Variants in BCL11B observed in about 807,000 individuals in gnomAD.
BCL11B encodes BCL11 transcription factor B.
A neutral mutation model predicts 49.9 loss-of-function variants in BCL11B; 8 were observed. The observed-to-expected ratio is 0.16, with a 90% CI of 0.09 to 0.29. The LOEUF (loss-of-function observed/expected upper bound fraction) is 0.29, where lower values mean the gene tolerates loss of function less well. BCL11B is among the 10% of genes least tolerant of loss of function. The pLI is 1.00. For missense variants in BCL11B, 1,006 were observed against 1,351.0 expected (o/e 0.74, Z 4.00); for synonymous variants, 739 against 637.4 (o/e 1.16, Z -2.40).
chr14:99,175,763 G>A lies in BCL11B; in HGVS notation c.1073C>T (p.Ser358Leu). The A allele has an allele frequency of 1.4e-6, 2 of 1,466,400 alleles. No homozygotes were observed. Among genetic ancestry groups the A allele is most frequent in the Non-Finnish European group, 1.8e-6 (2 of 1,122,914 alleles). The allele number at this position is 1,466,400 out of a possible 1,614,324, so 90.8% of individuals were successfully genotyped here. The change falls in exon 4 of 4, where the codon TCG becomes TTG. Residue 358 changes from serine to leucine, a missense_variant. Ser to Leu is a moderately radical substitution (Grantham distance 145, BLOSUM62 -2). Around this residue, in one of 6 missense-constraint regions of BCL11B, gnomAD observed 411 missense variants for 542.2 expected, o/e 0.76. Transcript: ENST00000357195. ...CCGCCGCGAGAAGTCCATGGCGGGC[G>A]AGTCGATGGCCATGGGGTTCAGGCG... ...VMRLNPMAID[S>L]PAMDFSRRLR...
chr14:99,257,943 C>G lies in BCL11B; in HGVS notation c.59-104G>C. The G allele has an allele frequency of 1.5e-6, 2 of 1,340,880 alleles. No homozygotes were observed. The highest frequency in any genetic ancestry group is 2.0e-6 in the Non-Finnish European group (2 of 1,023,690). The allele number at this position is 1,340,880 out of a possible 1,614,324, so 83.1% of individuals were successfully genotyped here. A position where few individuals can be genotyped will look rare whatever the true frequency, so the allele number is the denominator to read the frequency against. On this transcript the variant is annotated intron_variant, in intron 1 of 3. Coordinates refer to ENST00000357195, the MANE Select transcript of BCL11B (RefSeq NM_138576.4). The surrounding 1 kb of genome is among the most constrained non-coding windows in gnomAD (Gnocchi z 6.2). ...CCACCCCTTCCCCGCCAAGAAGCAG[C>G]CCCCTCTGCTGCTGGCTGCCAGAGC...
rs1888382084 is a variant in BCL11B, at chr14:99,232,955, GA to G, written c.428-1399del. ...TCAAAGCTAACACCAACACTGCTCG[GA>G]ACCCCCTGAACCAACAAAGACCTCA... On this transcript the variant is annotated intron_variant, in intron 2 of 3. Transcript: ENST00000357195. This position sits in a 1 kb window ranked among gnomAD's most constrained non-coding sequence, Gnocchi z 5.1. 1.3e-5 allele frequency among the ~76,000 whole-genome samples: 2 copies of G among 152,274 alleles called. No individual in the cohort carries two copies. Among genetic ancestry groups the G allele is most frequent in the African/African-American group, 4.8e-5 (2 of 41,562 alleles).
chr14:99,216,331 C>T (rs1001570872), intron 3 of BCL11B, among the ~76,000 whole-genome samples: 10 of 152,200 alleles, frequency 6.6e-5, no homozygotes, highest in African/African-American at 2.2e-4. Context: ...CACTCTCAGT[C>T]GTGAGATGGT....
intron 3 of BCL11B, among the ~76,000 whole-genome samples, chr14:99,222,072 G>A (rs807733): frequency 0.55 from 83,413 of 152,048 alleles, 23,130 homozygotes; most frequent in Admixed American, 0.63. Flanking sequence ...TGAATAAACT[G>A]TATCTCATGG....
chr14:99,259,095 A>G (rs943683760), intron 1 of BCL11B, among the ~76,000 whole-genome samples: 2 of 152,118 alleles, frequency 1.3e-5, no homozygotes, highest in Non-Finnish European at 2.9e-5. Context: ...ATTTTTCGAG[A>G]GCAAATGTCA....
At chr14:99,259,417 G>A (rs577670874) in intron 1 of BCL11B, among the ~76,000 whole-genome samples, 2 of 152,326 alleles carry the variant, frequency 1.3e-5, no homozygotes, top group South Asian at 4.1e-4. Flanking sequence ...GAGAGTCCAT[G>A]TGTGAAACTG....
intron 3 of BCL11B, among the ~76,000 whole-genome samples, chr14:99,188,752 A>AG (rs1327131789): frequency 1.3e-5 from 2 of 152,112 alleles, no homozygotes; most frequent in Non-Finnish European, 2.9e-5. Context: ...GAGGAGGGCC[A>AG]GGGGCTGGTG....
intron 2 of BCL11B, among the ~76,000 whole-genome samples, chr14:99,240,738 G>A (rs1265284392): frequency 1.3e-5 from 2 of 152,180 alleles, no homozygotes; most frequent in African/African-American, 2.4e-5. Flanking sequence ...GACGTGCAGT[G>A]CGTGCACAAC....
At chr14:99,179,232 G>A (rs1291082743) in intron 3 of BCL11B, among the ~76,000 whole-genome samples, 1 of 152,148 alleles carries the variant, frequency 6.6e-6, no homozygotes, top group Non-Finnish European at 1.5e-5. Context: ...CCAGCACTTT[G>A]GGAGGCCGAA....
At chr14:99,269,345 A>G (rs1294362534) in intron 1 of BCL11B, among the ~76,000 whole-genome samples, 1 of 152,224 alleles carries the variant, frequency 6.6e-6, no homozygotes. Flanking sequence ...TCAACTGGCA[A>G]AAAAGACCTT....
rs916752555 is a variant in BCL11B at position 99,231,133 on chromosome 14, G to A, written c.640+212C>T. On this transcript the variant is annotated intron_variant, in intron 3 of 3. Coordinates refer to ENST00000357195, the MANE Select transcript of BCL11B (RefSeq NM_138576.4). The surrounding 1 kb of genome is among the most constrained non-coding windows in gnomAD (Gnocchi z 8.1). ...ATTCTGGGAGCAAGACTCTCAGAAC[G>A]GGTGGGGGCACCGTGGGGGACTCCT... Among the ~76,000 whole-genome samples the A allele has an allele frequency of 2.6e-5, 4 of 152,224 alleles. No individual in the cohort carries two copies. Among genetic ancestry groups the A allele is most frequent in the East Asian group, 1.9e-4 (1 of 5,182 alleles).
At chr14:99,270,555 G>A (rs1889637440) in intron 1 of BCL11B, among the ~76,000 whole-genome samples, 1 of 151,996 alleles carries the variant, frequency 6.6e-6, no homozygotes, top group Admixed American at 6.5e-5. Context: ...CAGGAGGAGG[G>A]GAGAGAAAGG....
chr14:99,257,361 G>A lies in BCL11B; in HGVS notation c.427+110C>T. On this transcript the variant is annotated intron_variant, in intron 2 of 3. Transcript: ENST00000357195. This position sits in a 1 kb window ranked among gnomAD's most constrained non-coding sequence, Gnocchi z 6.2. Reference sequence around the variant, plus strand: ...GGGGAGCCCCGGCTGGTGGCCCAGAGGCCATCCTGGAAGCCCCTGGGCCTT... The same window carrying A: ...GGGGAGCCCCGGCTGGTGGCCCAGAAGCCATCCTGGAAGCCCCTGGGCCTT... The A allele has an allele frequency of 7.2e-7, 1 of 1,390,220 alleles. No homozygotes were observed. 86.1% of individuals were successfully genotyped at this position (1,390,220 alleles called of 1,614,324 possible). A position where few individuals can be genotyped will look rare whatever the true frequency, so the allele number is the denominator to read the frequency against.
At chr14:99,246,268 C>G (rs1888833485) in intron 2 of BCL11B, among the ~76,000 whole-genome samples, 1 of 152,242 alleles carries the variant, frequency 6.6e-6, no homozygotes, top group Non-Finnish European at 1.5e-5. Context: ...CCCCTCGCCG[C>G]CCGGCTCAGG....
chr14:99,175,372 G>C lies in BCL11B; in HGVS notation c.1464C>G (p.Ser488=). The change falls in exon 4 of 4, where the codon TCC becomes TCG. Residue 488 remains serine, a synonymous_variant. Coordinates refer to ENST00000357195, the MANE Select transcript of BCL11B (RefSeq NM_138576.4). ...AGCTGGCGGCCGAGAGCCCGTCGTC[G>C]GAGCGGCCGGCCAGCGAGCCGGCCT... ...MHKAGSLAGR[S]DDGLSAASSP... The C allele has an allele frequency of 6.3e-7, 1 of 1,585,528 alleles. No homozygotes were observed. Among genetic ancestry groups the C allele is most frequent in the Non-Finnish European group, 8.5e-7 (1 of 1,170,438 alleles).
At position 99,195,843 on chromosome 14, in the gene BCL11B, A is replaced by C. The variant is rs770721310; in HGVS notation, c.641-19648T>G. Among the ~76,000 whole-genome samples, 1 of 152,144 alleles carries C rather than the reference A, an allele frequency of 6.6e-6. No homozygotes were observed. Among genetic ancestry groups the C allele is most frequent in the Non-Finnish European group, 1.5e-5 (1 of 68,024 alleles). On this transcript the variant is annotated intron_variant, in intron 3 of 3. Transcript: ENST00000357195. The surrounding 1 kb of genome is among the most constrained non-coding windows in gnomAD (Gnocchi z 4.7). ...CCAACACCTGCTAGACTGAGCTGAC[A>C]CAGCCCTCCTGCCTGCTGCCCAGAA...
intron 3 of BCL11B, among the ~76,000 whole-genome samples, chr14:99,218,438 A>C (rs1379505060): frequency 6.6e-6 from 1 of 151,864 alleles, no homozygotes; most frequent in African/African-American, 2.4e-5. Context: ...CTGACTCAGC[A>C]TGGGGGCAGA....
chr14:99,242,771 GA>G lies in BCL11B; in HGVS notation c.428-11215del, dbSNP rs1888708951. Among the ~76,000 whole-genome samples the G allele has an allele frequency of 1.3e-5, 2 of 152,182 alleles. No homozygotes were observed. The highest frequency in any genetic ancestry group is 4.1e-4 in the South Asian group (2 of 4,830). On this transcript the variant is annotated intron_variant, in intron 2 of 3. Transcript: ENST00000357195. This position sits in a 1 kb window ranked among gnomAD's most constrained non-coding sequence, Gnocchi z 4.4. ...AATTCAAGTAATCCAGCTTTTGCTG[GA>G]AAAAAGAAATCAAGACACTTCCAAA... is the stretch of plus-strand genomic sequence containing the variant.
chr14:99,171,423 T>G lies in BCL11B; in HGVS notation c.*2728A>C, dbSNP rs889555430. The G allele has an allele frequency of 1.9e-5, 4 of 214,676 alleles. No homozygotes were observed. The highest frequency in any genetic ancestry group is 3.8e-5 in the Non-Finnish European group (4 of 106,228). The allele number at this position is 214,676 out of a possible 1,614,324, so 13.3% of individuals were successfully genotyped here. ...TGGCAGCCTGTTTGTTTTTGTTTTT[T>G]TTTTCTTTTTATTTCCAAATTCACT... On this transcript the variant is annotated 3_prime_UTR_variant, in exon 4 of 4. Coordinates refer to ENST00000357195, the MANE Select transcript of BCL11B (RefSeq NM_138576.4).
Sources: gnomAD v4.1 joint callset for allele counts (sites outside exome capture counted in the v4.1 genomes callset) on GRCh38, gnomAD v4.1.1 for gene constraint, gnomAD v4.1.1 regional missense constraint, Gnocchi (gnomAD v3.1) non-coding constraint, MANE v1.5 for transcripts, NCBI Gene and HGNC (gene_info 2026-07-23, HGNC 2026-07-21) for gene names.